The following POLG variants were observed in gnomAD, a reference collection of about 807,000 sequenced individuals.
POLG encodes the protein DNA polymerase subunit gamma-1.
Under a neutral mutation model 155.4 loss-of-function variants are expected in POLG, and 110 were observed. The observed-to-expected ratio is 0.71, with a 90% CI of 0.61 to 0.83. The LOEUF (loss-of-function observed/expected upper bound fraction) is 0.83, where lower values mean the gene tolerates loss of function less well. Ranked by LOEUF, POLG falls within the 40% of genes least tolerant of loss-of-function variation. POLG has a pLI of 0.00. For synonymous variants in POLG, 701 were observed against 631.5 expected (o/e 1.11, Z -1.65); for missense variants, 1,685 against 1,627.5 (o/e 1.04, Z -0.61).
At chr15:89,324,710 G>T (rs988838689) in intron 10 of POLG, among the ~76,000 whole-genome samples, 1 of 152,216 alleles carries the variant, frequency 6.6e-6, no homozygotes, top group Admixed American at 6.5e-5. Flanking sequence ...CTAAAGCTCA[G>T]GGTCTGTGAT....
rs2055400568 is a variant in POLG, at chr15:89,321,821, C to T, written c.2513G>A (p.Gly838Glu). ...HPDYDEEGLY[G>E]AILPQVVTAG... Reference sequence around the variant, plus strand: ...AGTCACCACTTGGGGCAGGATGGCCCCATAGAGGCCTTCCTCATCATAGTC... The same window carrying T: ...AGTCACCACTTGGGGCAGGATGGCCTCATAGAGGCCTTCCTCATCATAGTC... Residue 838 changes from glycine (G) to glutamate (E), a missense_variant, in exon 16 of 23, where the codon GGG becomes GAG. Gly to Glu is a moderately conservative substitution (Grantham distance 98). Coordinates refer to ENST00000268124, the MANE Select transcript of POLG (RefSeq NM_002693.3). 1 of 1,614,012 alleles carries T rather than the reference C, an allele frequency of 6.2e-7. No homozygotes were observed. Among genetic ancestry groups the T allele is most frequent in the Non-Finnish European group, 8.5e-7 (1 of 1,179,930 alleles).
intron 6 of POLG, 108 bp downstream of exon 6, chr15:89,328,348 A>C: frequency 2.4e-6 from 2 of 835,388 alleles, no homozygotes; most frequent in Non-Finnish European, 4.1e-6. Flanking sequence ...CAGCCTAGAA[A>C]AGCTAAGGTC....
At chr15:89,317,232 C>A in intron 22 of POLG, 144 bp downstream of exon 22, 1 of 722,662 alleles carries the variant, frequency 1.4e-6, no homozygotes, top group East Asian at 2.7e-5. Flanking sequence ...GGACACAGGG[C>A]ACCTTATAAA....
At position 89,317,587 on chromosome 15, in the gene POLG, T is replaced by A. The variant is rs763469380; in HGVS notation, c.3483-51A>T. 7.6e-6 allele frequency: 12 copies of A among 1,569,320 alleles called. No homozygotes were observed. The South Asian group carries it at 1.3e-4, about 17-fold the overall frequency. ...CAGTCATGCCCCTCCTGTGAACAGA[T>A]GCATCACTCCTGGAGCAATGACCCC... On this transcript the variant is annotated intron_variant, in intron 21 of 22. Coordinates refer to ENST00000268124, the MANE Select transcript of POLG (RefSeq NM_002693.3).
rs1225524682 is a variant in POLG at position 89,326,964 on chromosome 15, G to A, written c.1533C>T (p.Ser511=). The A allele has an allele frequency of 2.5e-6, 4 of 1,614,092 alleles. No homozygotes were observed. Among genetic ancestry groups the A allele is most frequent in the Admixed American group, 1.7e-5 (1 of 60,012 alleles). The change falls in exon 8 of 23, where the codon AGC becomes AGT. Residue 511 remains serine (S), a synonymous_variant. Coordinates refer to ENST00000268124, the MANE Select transcript of POLG (RefSeq NM_002693.3). ...KKVKKEPATA[S]KLPIEGAGAP... is the part of the protein sequence containing the mutation. ...CCCCAGCCCCCTCGATGGGCAACTT[G>A]CTGGCTGTGGCTGGTTCCTTCTTCA...
chr15:89,316,596 A>G lies in POLG; in HGVS notation c.*155T>C. The G allele has an allele frequency of 1.8e-6, 2 of 1,102,306 alleles. No individual in the cohort carries two copies. Among genetic ancestry groups the G allele is most frequent in the Non-Finnish European group, 2.7e-6 (2 of 733,432 alleles). The allele number at this position is 1,102,306 out of a possible 1,614,324, so 68.3% of individuals were successfully genotyped here. A position where few individuals can be genotyped will look rare whatever the true frequency, so the allele number is the denominator to read the frequency against. On this transcript the variant is annotated 3_prime_UTR_variant, in exon 23 of 23. Transcript: ENST00000268124. The stretch of plus-strand genomic sequence containing the variant: ...ACCCACTGAATTCAACTGCACCTTC[A>G]GTTAGAAGGAATCTTCTTGGCAGGT...
rs3087375 is a variant in POLG at position 89,316,841 on chromosome 15, C to G, written c.3644-14G>C. The stretch of plus-strand genomic sequence containing the variant: ...CCAGCGCTTCACCTGAAAGATAGTG[C>G]AAATTGGTTAGGATGCCACCTCAAG... On this transcript the variant is annotated splice_polypyrimidine_tract_variant and intron_variant, in intron 22 of 22. Transcript: ENST00000268124. 7.8e-4 allele frequency: 1,257 copies of G among 1,602,266 alleles called. 4 individuals are homozygous for G. In the African/African-American group the frequency reaches 0.015, roughly 19 times the overall value.
rs886051525 is a variant in POLG, at chr15:89,328,546, G to A, written c.1171-11C>T. On this transcript the variant is annotated splice_polypyrimidine_tract_variant and intron_variant, in intron 5 of 22. Transcript: ENST00000268124. The stretch of plus-strand genomic sequence containing the variant: ...GTACTGCATCAGGTCCTGGCACAAG[G>A]TGACAGGAAGGCGCAAGGTGGGCAG... 6 of 1,613,470 alleles carry A rather than the reference G, an allele frequency of 3.7e-6. No individual in the cohort carries two copies. Among genetic ancestry groups the A allele is most frequent in the African/African-American group, 1.3e-5 (1 of 74,914 alleles).
chr15:89,325,057 AGAGT>A (rs1173555720), intron 10 of POLG, among the ~76,000 whole-genome samples: 6,562 of 87,588 alleles, frequency 0.075, 1,377 homozygotes, highest in Non-Finnish European at 0.096. Context: ...AGTGAGTGAG[AGAGT>A]GAGTGAGTGA....
At position 89,333,404 on chromosome 15, in the gene POLG, G is replaced by A. The variant is rs2055621910; in HGVS notation, c.351C>T (p.Ala117=). ...LQKHGLWGQP[A]VPLPDVELRL... ...GCAGCTCCACGTCGGGCAAGGGCAC[G>A]GCTGGCTGCCCCCAGAGCCCGTGCT... is the stretch of plus-strand genomic sequence containing the variant. The change falls in exon 2 of 23, where the codon GCC becomes GCT. Residue 117 remains alanine (A), a synonymous_variant. Transcript: ENST00000268124. The A allele has an allele frequency of 1.2e-6, 2 of 1,602,198 alleles. No homozygotes were observed. The highest frequency in any genetic ancestry group is 1.7e-4 in the Middle Eastern group (1 of 6,026).
chr15:89,321,837 C>T lies in POLG; in HGVS notation c.2497G>A (p.Glu833Lys), dbSNP rs2055400966. The change falls in exon 16 of 23, where the codon GAG becomes AAG. Residue 833 changes from glutamate (E) to lysine (K), a missense_variant. By Grantham distance (56) the Glu-to-Lys change is moderately conservative. This residue lies in a region of POLG where 1,210 missense variants were observed against 1,167.1 expected (regional missense o/e 1.04). Transcript: ENST00000268124. ...AGGATGGCCCCATAGAGGCCTTCCT[C>T]ATCATAGTCGGGGTGCCTGGTGGGG... ...RAVIRHPDYD[E>K]EGLYGAILPQ... 1 of 1,613,844 alleles carries T rather than the reference C, an allele frequency of 6.2e-7. No individual in the cohort carries two copies. Among genetic ancestry groups the T allele is most frequent in the African/African-American group, 1.3e-5 (1 of 74,912 alleles).
Position 89,333,330 on chromosome 15 carries a change from A to G in POLG, c.425T>C (p.Leu142Pro), listed in dbSNP as rs1064797202. ...GTAGGGCAGGCTCTGCTTCTGGGCC[A>G]GGAGGCGGAAGTGCTGGTCCAGGTT... ...GDNLDQHFRLLAQKQSLPYLE... is the reference protein window; with the variant it reads ...GDNLDQHFRLPAQKQSLPYLE... The change falls in exon 2 of 23, where the codon CTG becomes CCG. Residue 142 changes from leucine (L) to proline (P), a missense_variant. Coordinates refer to ENST00000268124, the MANE Select transcript of POLG (RefSeq NM_002693.3). 6.4e-7 allele frequency: 1 copy of G among 1,559,706 alleles called. No individual in the cohort carries two copies. Among genetic ancestry groups the G allele is most frequent in the East Asian group, 2.4e-5 (1 of 41,858 alleles).
intron 9 of POLG, 121 bp from the exon 10 acceptor site, chr15:89,325,807 A>G (rs2055509801): frequency 1.2e-6 from 1 of 815,820 alleles, no homozygotes; most frequent in African/African-American, 1.7e-5. Context: ...TGGTGACCCC[A>G]GCCTACAGCC....
At chr15:89,332,430 A>G (rs1260345385) in intron 2 of POLG, 3 of 152,244 alleles carry the variant, frequency 2.0e-5, no homozygotes, top group Admixed American at 1.3e-4. Flanking sequence ...TGTTTGAAAA[A>G]GAAACTTGGG....
intron 18 of POLG, 163 bp from the exon 19 acceptor site, chr15:89,319,513 A>G: frequency 1.1e-6 from 1 of 936,360 alleles, no homozygotes; most frequent in African/African-American, 1.6e-5. Context: ...CAGAGAGGCT[A>G]AGTGCCTTGC....
At chr15:89,317,575 C>T in intron 21 of POLG, 39 bp from the exon 22 acceptor site, 1 of 1,597,934 alleles carries the variant, frequency 6.3e-7, no homozygotes, top group Non-Finnish European at 8.6e-7. Flanking sequence ...TCATGCCCCT[C>T]CTGTGAACAG....
chr15:89,331,088 C>T (rs557650128), intron 2 of POLG, among the ~76,000 whole-genome samples: 4 of 152,154 alleles, frequency 2.6e-5, no homozygotes, highest in Admixed American at 6.5e-5. Context: ...AAGTGAGTGA[C>T]GAGGCCACGT....
intron 2 of POLG, chr15:89,332,149 C>T (rs1474830619): frequency 2.6e-5 from 4 of 152,312 alleles, no homozygotes; most frequent in Admixed American, 2.6e-4. Flanking sequence ...TAGTGTGATT[C>T]TCATTGTAAC....
At chr15:89,326,843 C>G in intron 8 of POLG, 69 bp downstream of exon 8, 1 of 1,608,374 alleles carries the variant, frequency 6.2e-7, no homozygotes, top group South Asian at 1.1e-5. Flanking sequence ...TTTCGAAGGA[C>G]CCCCTCAATC....
Sources: gnomAD v4.1 joint callset for allele counts (sites outside exome capture counted in the v4.1 genomes callset) on GRCh38, gnomAD v4.1.1 for gene constraint, gnomAD v4.1.1 regional missense constraint, MANE v1.5 for transcripts, NCBI Gene and HGNC (gene_info 2026-07-23, HGNC 2026-07-21) for gene names.